Variants in CARMIL1 observed in about 807,000 individuals in gnomAD.
CARMIL1 encodes capping protein regulator and myosin 1 linker 1.
A neutral mutation model predicts 177.1 loss-of-function variants in CARMIL1; 90 were observed. That is an observed-to-expected ratio of 0.51 (90% CI 0.43 to 0.61). The LOEUF is 0.61. CARMIL1 is among the 20% of genes least tolerant of loss of function. CARMIL1 has a pLI of 0.00. For missense variants in CARMIL1, 1,380 were observed against 1,667.0 expected (o/e 0.83, Z 3.00); for synonymous variants, 577 against 606.2 (o/e 0.95, Z 0.71).
intron 3 of CARMIL1, among the ~76,000 whole-genome samples, chr6:25,424,556 A>C (rs1796132248): frequency 6.6e-6 from 1 of 152,236 alleles, no homozygotes; most frequent in Non-Finnish European, 1.5e-5. Context: ...TGAGATGCTC[A>C]TTGAGGGTCA....
intron 2 of CARMIL1, among the ~76,000 whole-genome samples, chr6:25,320,483 C>T (rs1784591119): frequency 6.6e-6 from 1 of 152,206 alleles, no homozygotes; most frequent in Non-Finnish European, 1.5e-5. Context: ...ATAGCTAAGG[C>T]TATTGAGTGC....
intron 29 of CARMIL1, among the ~76,000 whole-genome samples, chr6:25,579,756 T>A (rs1174340854): frequency 2.0e-5 from 3 of 152,230 alleles, no homozygotes; most frequent in Non-Finnish European, 4.4e-5. Context: ...CATTTTTTTA[T>A]CTCCCTTTTC....
rs953520048 is a variant in CARMIL1, at chr6:25,517,656, G to A, written c.1874+241G>A. The stretch of plus-strand genomic sequence containing the variant: ...GTTCTGCCAAAAACACCACACTGTC[G>A]TGAGAATTAAATGAGATCGCGGGAA... On this transcript the variant is annotated intron_variant, in intron 22 of 36. Transcript: ENST00000329474. Among the ~76,000 whole-genome samples, 80 of 152,246 alleles carry A rather than the reference G, an allele frequency of 5.3e-4. 3 individuals are homozygous for A. The highest frequency in any genetic ancestry group is 4.8e-3 in the Admixed American group (74 of 15,300).
At chr6:25,426,432 C>A (rs187388193) in intron 3 of CARMIL1, 69 bp from the exon 4 acceptor site, 271 of 961,938 alleles carry the variant, frequency 2.8e-4, no homozygotes, top group Non-Finnish European at 3.7e-4. Context: ...TTTTTTTTAC[C>A]TTAAGTTATA....
intron 1 of CARMIL1, 139 bp downstream of exon 1, chr6:25,279,974 T>G: frequency 2.0e-6 from 2 of 998,720 alleles, no homozygotes; most frequent in Non-Finnish European, 3.2e-6. Context: ...GCAGGGTCAC[T>G]GGGGGTGCCG....
chr6:25,376,563 T>C (rs530069748), intron 2 of CARMIL1, among the ~76,000 whole-genome samples: 2 of 152,362 alleles, frequency 1.3e-5, no homozygotes, highest in East Asian at 1.9e-4. Context: ...TCCTTGGTTA[T>C]AGAGAGTCTT....
Position 25,590,619 on chromosome 6 carries a change from A to C in CARMIL1, c.3007-3796A>C, listed in dbSNP as rs947267448. ...AAGTGTTGTCTATATGCTTGTGTGC[A>C]TGTGATACTTGTATGTAGATATATT... On this transcript the variant is annotated intron_variant, in intron 31 of 36. Coordinates refer to ENST00000329474, the MANE Select transcript of CARMIL1 (RefSeq NM_017640.6). 2.6e-5 allele frequency among the ~76,000 whole-genome samples: 4 copies of C among 152,026 alleles called. No individual in the cohort carries two copies. In the East Asian group the frequency reaches 7.7e-4, roughly 29 times the overall value.
At chr6:25,466,187 AAG>A (rs563708618) in intron 9 of CARMIL1, among the ~76,000 whole-genome samples, 58 of 152,334 alleles carry the variant, frequency 3.8e-4, no homozygotes, top group Non-Finnish European at 7.2e-4. Flanking sequence ...GATGAACAAA[AAG>A]ATACATTTAG....
At position 25,279,972 on chromosome 6, in the gene CARMIL1, A is replaced by G. The variant is rs1011616315; in HGVS notation, c.40+137A>G. ...GGGCAGAGTGGTGTTGGGCAGGGTC[A>G]CTGGGGGTGCCGGGAAGTTTGTTCC... On this transcript the variant is annotated intron_variant, in intron 1 of 36. Coordinates refer to ENST00000329474, the MANE Select transcript of CARMIL1 (RefSeq NM_017640.6). The G allele has an allele frequency of 3.0e-6, 3 of 1,009,726 alleles. 1 individual carries two copies. Among genetic ancestry groups the G allele is most frequent in the South Asian group, 2.6e-5 (2 of 77,704 alleles). 62.5% of individuals were successfully genotyped at this position (1,009,726 alleles called of 1,614,324 possible). A position where few individuals can be genotyped will look rare whatever the true frequency, so the allele number is the denominator to read the frequency against.
At chr6:25,350,498 C>T (rs1248082515) in intron 2 of CARMIL1, 1 of 152,172 alleles carries the variant, frequency 6.6e-6, no homozygotes, top group Non-Finnish European at 1.5e-5. Context: ...TGGGCACAGG[C>T]TCATTTGGCC....
intron 2 of CARMIL1, among the ~76,000 whole-genome samples, chr6:25,357,691 G>A (rs968567518): frequency 2.0e-5 from 3 of 152,184 alleles, no homozygotes; most frequent in East Asian, 1.9e-4. Context: ...ACTCCATCAT[G>A]AGTAGGGATA....
chr6:25,316,894 C>T (rs1288263263), intron 2 of CARMIL1, among the ~76,000 whole-genome samples: 2 of 152,150 alleles, frequency 1.3e-5, no homozygotes, highest in African/African-American at 2.4e-5. Flanking sequence ...TGTTAGGTTA[C>T]TAGAAAGCAG....
At chr6:25,439,457 C>T (rs1460712100) in intron 5 of CARMIL1, among the ~76,000 whole-genome samples, 2 of 151,924 alleles carry the variant, frequency 1.3e-5, no homozygotes, top group Non-Finnish European at 2.9e-5. Context: ...ATGAGCTCAA[C>T]ACTTAGAGGT....
At chr6:25,395,680 G>A (rs1793315325) in intron 2 of CARMIL1, among the ~76,000 whole-genome samples, 2 of 152,076 alleles carry the variant, frequency 1.3e-5, no homozygotes, top group Admixed American at 1.3e-4. Context: ...AGTATTGCTC[G>A]CTTTTTGAAT....
At chr6:25,469,764 C>T (rs1800940137) in intron 9 of CARMIL1, among the ~76,000 whole-genome samples, 1 of 152,110 alleles carries the variant, frequency 6.6e-6, no homozygotes, top group Admixed American at 6.5e-5. Flanking sequence ...GGAATTTCAC[C>T]ATGTTCCCAA....
At chr6:25,603,328 C>A (rs1265132100) in intron 33 of CARMIL1, among the ~76,000 whole-genome samples, 3 of 152,348 alleles carry the variant, frequency 2.0e-5, no homozygotes, top group South Asian at 4.1e-4. Context: ...CTTGTGTTAG[C>A]TGCAGTGCTT....
chr6:25,404,719 G>T (rs1378706837), intron 2 of CARMIL1, among the ~76,000 whole-genome samples: 6 of 150,678 alleles, frequency 4.0e-5, no homozygotes, highest in Non-Finnish European at 8.8e-5. Context: ...TCTTACCACT[G>T]CACTCCAGCC....
chr6:25,432,031 CAGT>C (rs1459974597), intron 4 of CARMIL1, among the ~76,000 whole-genome samples: 14 of 152,198 alleles, frequency 9.2e-5, no homozygotes, highest in African/African-American at 3.1e-4. Flanking sequence ...ATACTTTCAG[CAGT>C]ACCCTTCTCT....
chr6:25,359,670 T>C (rs1185757408), intron 2 of CARMIL1, among the ~76,000 whole-genome samples: 2 of 152,234 alleles, frequency 1.3e-5, no homozygotes, highest in Admixed American at 1.3e-4. Flanking sequence ...CCCTTGACTA[T>C]TGCAGCAGAG....
Sources: allele counts gnomAD v4.1 joint callset (sites outside exome capture counted in the v4.1 genomes callset), GRCh38; gene constraint gnomAD v4.1.1; transcripts MANE v1.5; gene names NCBI Gene and HGNC (gene_info 2026-07-23, HGNC 2026-07-21).